The following DMD variants were observed in gnomAD, a reference collection of about 807,000 sequenced individuals.
The protein encoded by DMD is mutant dystrophin.
DMD carries 63 observed loss-of-function variants against 330.1 expected under a neutral mutation model. That is an observed-to-expected ratio of 0.19 (90% CI 0.16 to 0.24). The LOEUF is 0.24. Ranked by LOEUF, DMD falls within the 10% of genes least tolerant of loss-of-function variation. DMD has a pLI of 1.00. For synonymous variants in DMD, 1,223 were observed against 959.8 expected (o/e 1.27, Z -5.07); for missense variants, 3,344 against 2,684.1 (o/e 1.25, Z -5.43).
intron 77 of DMD, 125 bp from the exon 78 acceptor site, chrX:31,126,798 T>G: frequency 3.0e-6 from 1 of 337,170 alleles, no homozygotes. Flanking sequence ...ATTTATTCTC[T>G]GCTGGAAAAA....
At chrX:32,466,603 G>C (rs12395709) in intron 23 of DMD, among the ~76,000 whole-genome samples, 6,188 of 110,613 alleles carry the variant, frequency 0.056, 192 homozygotes, top group East Asian at 0.1. Flanking sequence ...TAATCACAAA[G>C]GTCCTAATTA....
chrX:32,621,431 T>C (rs868721485), intron 11 of DMD, among the ~76,000 whole-genome samples: 3 of 110,978 alleles, frequency 2.7e-5, no homozygotes, highest in Non-Finnish European at 5.7e-5. Context: ...TTTTACAAAC[T>C]TGGACTCAGA....
intron 43 of DMD, among the ~76,000 whole-genome samples, chrX:32,233,599 T>TTTTATTTATTTA (rs767364915): frequency 7.2e-4 from 63 of 87,936 alleles, no homozygotes; most frequent in African/African-American, 8.5e-4. Flanking sequence ...TTTCTTTTTC[T>TTTTATTTATTTA]TTTATTTATT....
At chrX:32,785,817 T>C (rs2075304215) in intron 7 of DMD, among the ~76,000 whole-genome samples, 1 of 111,742 alleles carries the variant, frequency 8.9e-6, no homozygotes, top group Non-Finnish European at 1.9e-5. Context: ...TTATGTCTCA[T>C]TTTTATATCG....
intron 52 of DMD, among the ~76,000 whole-genome samples, chrX:31,690,384 G>T (rs2083030920): frequency 8.9e-6 from 1 of 112,119 alleles, no homozygotes; most frequent in African/African-American, 3.2e-5. Context: ...ATCATCACTG[G>T]CCATCAGAGA....
chrX:33,144,216 C>T (rs1330310968), intron 1 of DMD, among the ~76,000 whole-genome samples: 3 of 110,853 alleles, frequency 2.7e-5, no homozygotes, highest in Non-Finnish European at 5.7e-5. Flanking sequence ...TATGTGGGAG[C>T]TAAAAAATTG....
chrX:32,259,274 A>T (rs1319128212), intron 43 of DMD, among the ~76,000 whole-genome samples: 2 of 110,775 alleles, frequency 1.8e-5, no homozygotes, highest in African/African-American at 6.5e-5. Context: ...ATAGCGACTG[A>T]TATTTTTAGA....
intron 30 of DMD, among the ~76,000 whole-genome samples, chrX:32,410,352 T>G (rs1015025155): frequency 1.8e-5 from 2 of 111,628 alleles, no homozygotes; most frequent in East Asian, 5.6e-4. Context: ...CCTGGACTTT[T>G]TAAGCCTATC....
At chrX:32,327,259 A>C (rs2097655971) in intron 41 of DMD, among the ~76,000 whole-genome samples, 1 of 111,096 alleles carries the variant, frequency 9.0e-6, no homozygotes, top group African/African-American at 3.3e-5. Flanking sequence ...AAATTTTTAA[A>C]AAATCTCCAA....
At chrX:32,490,739 A>G (rs756865964) in intron 20 of DMD, among the ~76,000 whole-genome samples, 7 of 111,879 alleles carry the variant, frequency 6.3e-5, no homozygotes, top group Non-Finnish European at 1.3e-4. Context: ...CTGGGTTACT[A>G]CACTATCCGG....
intron 1 of DMD, among the ~76,000 whole-genome samples, chrX:33,082,069 T>C (rs888025760): frequency 3.8e-5 from 4 of 106,589 alleles, no homozygotes; most frequent in Non-Finnish European, 7.7e-5. Flanking sequence ...GCGTTAAGAG[T>C]GGCAAGACAA....
chrX:32,923,239 T>C (rs1462388240), intron 2 of DMD, among the ~76,000 whole-genome samples: 1 of 111,666 alleles, frequency 9.0e-6, no homozygotes, highest in African/African-American at 3.3e-5. Flanking sequence ...AACCCCATTA[T>C]GAGGATGAGG....
intron 37 of DMD, among the ~76,000 whole-genome samples, chrX:32,349,582 T>A (rs1275893694): frequency 2.7e-5 from 3 of 111,549 alleles, no homozygotes; most frequent in Non-Finnish European, 3.8e-5. Context: ...GAGGTTGAAT[T>A]TTTATTAGAT....
intron 1 of DMD, among the ~76,000 whole-genome samples, chrX:33,216,922 ATTTTAT>A (rs1276582594): frequency 9.0e-6 from 1 of 111,642 alleles, no homozygotes; most frequent in Admixed American, 9.6e-5. Flanking sequence ...TAAAGGCATT[ATTTTAT>A]ATTACTTTGG....
At chrX:31,930,222 C>T (rs1299666200) in intron 46 of DMD, among the ~76,000 whole-genome samples, 1 of 110,637 alleles carries the variant, frequency 9.0e-6, no homozygotes, top group African/African-American at 3.3e-5. Context: ...AACCTTTTCA[C>T]ATTTATTATC....
chrX:32,105,481 TTTTAA>T (rs771193403), intron 44 of DMD, among the ~76,000 whole-genome samples: 3 of 112,038 alleles, frequency 2.7e-5, no homozygotes, highest in Non-Finnish European at 3.8e-5. Context: ...GGAAAACTGG[TTTTAA>T]TTTGAGTTAT....
chrX:33,048,594 G>A (rs1263960069), intron 1 of DMD, among the ~76,000 whole-genome samples: 2 of 105,748 alleles, frequency 1.9e-5, no homozygotes, highest in Non-Finnish European at 3.9e-5. Flanking sequence ...TCGGGAGGCT[G>A]AGGGCAGGAG....
intron 7 of DMD, among the ~76,000 whole-genome samples, chrX:32,799,183 A>C (rs968821249): frequency 1.8e-5 from 2 of 111,533 alleles, no homozygotes; most frequent in Non-Finnish European, 3.8e-5. Flanking sequence ...GAAGGCTATA[A>C]AAACAACTCA....
chrX:32,687,387 G>A (rs1351610023), intron 9 of DMD, among the ~76,000 whole-genome samples: 1 of 111,821 alleles, frequency 8.9e-6, no homozygotes, highest in Non-Finnish European at 1.9e-5. Context: ...ATGTAACACT[G>A]ATACTTCTCC....
Sources: gnomAD v4.1 joint callset for allele counts (sites outside exome capture counted in the v4.1 genomes callset) on GRCh38, gnomAD v4.1.1 for gene constraint, MANE v1.5 for transcripts, NCBI Gene and HGNC (gene_info 2026-07-23, HGNC 2026-07-21) for gene names.